Variants in ZNF791 observed in about 807,000 individuals in gnomAD.
ZNF791 encodes zinc finger protein 791.
Under a neutral mutation model 11.5 loss-of-function variants are expected in ZNF791, and 4 were observed. The observed-to-expected ratio is 0.35, with a 90% CI of 0.17 to 0.80. The LOEUF (loss-of-function observed/expected upper bound fraction) is 0.80, where lower values mean the gene tolerates loss of function less well. Among genes scored for constraint, ZNF791 ranks in the 30% least tolerant of loss-of-function variants. The probability of loss-of-function intolerance (pLI) is 0.53; values close to 1 mark genes in which losing one functional copy is unlikely to be tolerated. For missense variants in ZNF791, 559 were observed against 699.4 expected (o/e 0.80, Z 2.26); for synonymous variants, 212 against 228.1 (o/e 0.93, Z 0.64).
intron 1 of ZNF791, among the ~76,000 whole-genome samples, chr19:12,620,220 G>A (rs2023318234): frequency 6.6e-6 from 1 of 151,662 alleles, no homozygotes; most frequent in South Asian, 2.1e-4. Flanking sequence ...ATTTATTTTT[G>A]GCTGGAGTGC....
At chr19:12,615,779 CAAAAAA>C (rs1184737319) in intron 1 of ZNF791, among the ~76,000 whole-genome samples, 1 of 58,434 alleles carries the variant, frequency 1.7e-5, no homozygotes, top group Non-Finnish European at 4.0e-5. Flanking sequence ...GACTCCGTCT[CAAAAAA>C]AAAAAAAAAA....
intron 3 of ZNF791, among the ~76,000 whole-genome samples, chr19:12,625,257 A>G (rs990670379): frequency 6.6e-6 from 1 of 150,682 alleles, no homozygotes; most frequent in African/African-American, 2.4e-5. Context: ...AGTAGCTGGG[A>G]TTACAGGGAC....
At chr19:12,612,650 A>C (rs2145176226) in intron 1 of ZNF791, among the ~76,000 whole-genome samples, 1 of 139,650 alleles carries the variant, frequency 7.2e-6, no homozygotes, top group East Asian at 2.1e-4. Context: ...AGAGTGTTTC[A>C]CTATGTTTCC....
rs1179048595 is a variant in ZNF791 at position 12,627,768 on chromosome 19, G to A, written c.239G>A (p.Cys80Tyr). ...TGTGAAGGTAAAGAAGGTAGTCAAT[G>A]TGCAGAAAACTTCAGTCCCAATCTC... is the stretch of plus-strand genomic sequence containing the variant. ...RLCEGKEGSQ[C>Y]AENFSPNLSV... Residue 80 changes from cysteine to tyrosine, a missense_variant, in exon 4 of 4, where the codon TGT becomes TAT. Physicochemically the swap from Cys to Tyr is radical, Grantham distance 194. Transcript: ENST00000343325. 3.1e-6 allele frequency: 5 copies of A among 1,614,018 alleles called. No individual in the cohort carries two copies. In the Admixed American group the frequency reaches 8.3e-5, roughly 27 times the overall value.
Position 12,629,898 on chromosome 19 carries a change from G to T in ZNF791, c.*638G>T, listed in dbSNP as rs2023481574. 1 of 151,448 alleles carries T rather than the reference G, an allele frequency of 6.6e-6. No individual in the cohort carries two copies. The highest frequency in any genetic ancestry group is 1.5e-5 in the Non-Finnish European group (1 of 67,942). The allele number at this position is 151,448 out of a possible 1,614,324, so 9.4% of individuals were successfully genotyped here. A position where few individuals can be genotyped will look rare whatever the true frequency, so the allele number is the denominator to read the frequency against. ...AAAAAAAAAAAGTACAACACAGCTG[G>T]GCATGGTCACACCTGTGATCCCAAC... On this transcript the variant is annotated 3_prime_UTR_variant, in exon 4 of 4. Coordinates refer to ENST00000343325, the MANE Select transcript of ZNF791 (RefSeq NM_153358.3).
In ZNF791 at chr19:12,615,779, C is replaced by CA. The variant is rs1184737319; in HGVS notation, c.3+4717dup. Reference sequence around the variant, plus strand: ...GGGCAACAAGAGCAAGACTCCGTCTCAAAAAAAAAAAAAAAAAAAAGATTG... The same window carrying CA: ...GGGCAACAAGAGCAAGACTCCGTCTCAAAAAAAAAAAAAAAAAAAAAGATTG... On this transcript the variant is annotated intron_variant, in intron 1 of 3. Transcript: ENST00000343325. Among the ~76,000 whole-genome samples, 514 of 57,800 alleles carry CA rather than the reference C, an allele frequency of 8.9e-3. 1 individual carries two copies. Among genetic ancestry groups the CA allele is most frequent in the Middle Eastern group, 0.032 (4 of 124 alleles). The allele number at this position is 57,800 out of a possible 152,430, so 37.9% of individuals were successfully genotyped here. A position where few individuals can be genotyped will look rare whatever the true frequency, so the allele number is the denominator to read the frequency against.
At chr19:12,626,555 A>C (rs1372565182) in intron 3 of ZNF791, among the ~76,000 whole-genome samples, 1 of 152,190 alleles carries the variant, frequency 6.6e-6, no homozygotes, top group Non-Finnish European at 1.5e-5. Context: ...AAGTGCTAGG[A>C]CTACAGGCAT....
At chr19:12,622,378 TA>T (rs1170017944) in intron 1 of ZNF791, among the ~76,000 whole-genome samples, 45 of 20,134 alleles carry the variant, frequency 2.2e-3, no homozygotes, top group South Asian at 0.019. Context: ...AAATAATAAA[TA>T]AAAAAAATAA....
Position 12,615,143 on chromosome 19 carries a change from G to A in ZNF791, c.3+4061G>A, listed in dbSNP as rs564553828. ...CAAGTGATCCTCCTGCCTCCTCTGA[G>A]TAGCTGGGACTGCATGCATGCACCA... is the stretch of plus-strand genomic sequence containing the variant. On this transcript the variant is annotated intron_variant, in intron 1 of 3. Transcript: ENST00000343325. Among the ~76,000 whole-genome samples, 14 of 147,360 alleles carry A rather than the reference G, an allele frequency of 9.5e-5. 1 individual carries two copies. The South Asian group carries it at 2.8e-3, about 29-fold the overall frequency.
intron 1 of ZNF791, among the ~76,000 whole-genome samples, chr19:12,619,353 A>C (rs1323592800): frequency 6.6e-6 from 1 of 152,050 alleles, no homozygotes; most frequent in African/African-American, 2.4e-5. Context: ...GTCAAGTTTA[A>C]ATTTACAAAC....
At position 12,628,665 on chromosome 19, in the gene ZNF791, C is replaced by T. The variant is rs766215124; in HGVS notation, c.1136C>T (p.Thr379Ile). Reference protein sequence around the residue: ...SYFRIHERTHTGEKPYECKKC... With the variant: ...SYFRIHERTHIGEKPYECKKC... ...TTTCGAATACATGAAAGGACTCACA[C>T]TGGAGAGAAACCCTACGAATGTAAA... Residue 379 changes from threonine to isoleucine, a missense_variant, in exon 4 of 4, where the codon ACT becomes ATT. By Grantham distance (89) the Thr-to-Ile change is moderately conservative. Transcript: ENST00000343325. 1.9e-6 allele frequency: 3 copies of T among 1,605,842 alleles called. No individual in the cohort carries two copies. The highest frequency in any genetic ancestry group is 2.5e-6 in the Non-Finnish European group (3 of 1,176,840).
chr19:12,612,967 A>C (rs1221791542), intron 1 of ZNF791, among the ~76,000 whole-genome samples: 1 of 151,780 alleles, frequency 6.6e-6, no homozygotes, highest in Non-Finnish European at 1.5e-5. Context: ...TGAGGTTTTA[A>C]TTGTGGTTTC....
Position 12,611,002 on chromosome 19 carries a change from C to T in ZNF791, c.-78C>T. ...CCTTGACGCGTCAGGTTGCTGTACC[C>T]CTGCATCGGATGCGCTGTACCCTGC... On this transcript the variant is annotated 5_prime_UTR_variant, in exon 1 of 4. Coordinates refer to ENST00000343325, the MANE Select transcript of ZNF791 (RefSeq NM_153358.3). The T allele has an allele frequency of 1.9e-6, 3 of 1,599,836 alleles. No homozygotes were observed. Among genetic ancestry groups the T allele is most frequent in the Non-Finnish European group, 2.6e-6 (3 of 1,167,604 alleles).
intron 1 of ZNF791, 148 bp from the exon 2 acceptor site, chr19:12,623,552 G>A: frequency 2.1e-6 from 2 of 941,024 alleles, no homozygotes; most frequent in South Asian, 1.6e-5. Flanking sequence ...ATAAGTTTAT[G>A]TGTTCAATGT....
Position 12,629,318 on chromosome 19 carries a change from A to G in ZNF791, c.*58A>G, listed in dbSNP as rs1160691279. 2.2e-6 allele frequency: 3 copies of G among 1,344,752 alleles called. No homozygotes were observed. Among genetic ancestry groups the G allele is most frequent in the Non-Finnish European group, 2.0e-6 (2 of 1,015,458 alleles). The allele number at this position is 1,344,752 out of a possible 1,614,324, so 83.3% of individuals were successfully genotyped here. ...TTTCAATTCTAACAGATGCTTTCAA[A>G]GTTGTGAAAATTCCCACTGAAGAGA... On this transcript the variant is annotated 3_prime_UTR_variant, in exon 4 of 4. Transcript: ENST00000343325.
At chr19:12,617,023 A>T (rs1394673077) in intron 1 of ZNF791, among the ~76,000 whole-genome samples, 1 of 140,476 alleles carries the variant, frequency 7.1e-6, no homozygotes, top group Non-Finnish European at 1.6e-5. Context: ...GGTGTATGAG[A>T]GTTTAATAGT....
intron 1 of ZNF791, among the ~76,000 whole-genome samples, chr19:12,616,442 C>T (rs746291887): frequency 9.8e-5 from 15 of 152,288 alleles, no homozygotes; most frequent in Admixed American, 3.3e-4. Context: ...ACAAAAAGGA[C>T]GCTAGGCATG....
chr19:12,628,874 T>C lies in ZNF791; in HGVS notation c.1345T>C (p.Phe449Leu). 1 of 1,613,362 alleles carries C rather than the reference T, an allele frequency of 6.2e-7. No homozygotes were observed. Among genetic ancestry groups the C allele is most frequent in the Non-Finnish European group, 8.5e-7 (1 of 1,179,742 alleles). The change falls in exon 4 of 4, where the codon TTC (phenylalanine) becomes CTC (leucine). Residue 449 changes from phenylalanine to leucine, a missense_variant. Transcript: ENST00000343325. ...TAAATGTAGGGACTGTGGGAAGGTG[T>C]TCATTTTTCCTAGTGCGTTACGAAC... The part of the protein sequence containing the change: ...PYKCRDCGKV[F>L]IFPSALRTHE...
At chr19:12,615,499 G>A (rs773655953) in intron 1 of ZNF791, among the ~76,000 whole-genome samples, 2 of 151,972 alleles carry the variant, frequency 1.3e-5, no homozygotes, top group East Asian at 1.9e-4. Context: ...AGATTGTACC[G>A]GCCGGGCACG....
Sources: gnomAD v4.1 joint callset for allele counts (sites outside exome capture counted in the v4.1 genomes callset) on GRCh38, gnomAD v4.1.1 for gene constraint, MANE v1.5 for transcripts, NCBI Gene and HGNC (gene_info 2026-07-23, HGNC 2026-07-21) for gene names.